R3HDM1: variants seen among roughly 807,000 people sequenced by gnomAD.
R3HDM1 encodes R3H domain-containing protein 1.
A neutral mutation model predicts 141.1 loss-of-function variants in R3HDM1; 46 were observed. The observed-to-expected ratio is 0.33, with a 90% CI of 0.26 to 0.42. The LOEUF (loss-of-function observed/expected upper bound fraction) is 0.42. Among genes scored for constraint, R3HDM1 ranks in the 10% least tolerant of loss-of-function variants. R3HDM1 has a pLI of 1.00. For synonymous variants in R3HDM1, 435 were observed against 472.9 expected (o/e 0.92, Z 1.04); for missense variants, 1,184 against 1,368.3 (o/e 0.87, Z 2.12).
intron 18 of R3HDM1, among the ~76,000 whole-genome samples, chr2:135,653,554 C>G: frequency 6.6e-6 from 1 of 151,766 alleles, no homozygotes; most frequent in East Asian, 1.9e-4. Flanking sequence ...AAAATGTTTT[C>G]TCTTTTGAGA....
intron 5 of R3HDM1, among the ~76,000 whole-genome samples, chr2:135,621,263 G>T (rs950704156): frequency 6.6e-6 from 1 of 152,076 alleles, no homozygotes; most frequent in Admixed American, 6.5e-5. Flanking sequence ...TAATGTTGAG[G>T]ATTTGTTTTA....
intron 11 of R3HDM1, 77 bp from the exon 12 acceptor site, chr2:135,638,541 T>C (rs1343069848): frequency 7.2e-7 from 1 of 1,382,310 alleles, no homozygotes; most frequent in Admixed American, 1.8e-5. Flanking sequence ...TGATTTTTGT[T>C]GTCATCATTG....
At chr2:135,660,523 G>A (rs1286451423) in intron 18 of R3HDM1, among the ~76,000 whole-genome samples, 1 of 152,048 alleles carries the variant, frequency 6.6e-6, no homozygotes, top group Non-Finnish European at 1.5e-5. Flanking sequence ...AAAGATTTTG[G>A]AGCATTTCAG....
At chr2:135,560,262 T>G (rs990490513) in intron 1 of R3HDM1, among the ~76,000 whole-genome samples, 7 of 152,246 alleles carry the variant, frequency 4.6e-5, no homozygotes, top group Non-Finnish European at 7.3e-5. Context: ...AGGTGATACT[T>G]AGATTCCCTT....
chr2:135,650,509 A>C (rs773866815), intron 17 of R3HDM1: 30 of 982,558 alleles, frequency 3.1e-5, no homozygotes, highest in Non-Finnish European at 3.5e-5. Context: ...TTCTATCCAA[A>C]GTATGCCCCA....
At chr2:135,541,539 A>G (rs929162764) in intron 1 of R3HDM1, among the ~76,000 whole-genome samples, 1 of 152,126 alleles carries the variant, frequency 6.6e-6, no homozygotes, top group Non-Finnish European at 1.5e-5. Context: ...GTTTTGTCTC[A>G]GTGAATAGGG....
At chr2:135,668,850 A>G (rs999812496) in intron 19 of R3HDM1, among the ~76,000 whole-genome samples, 8 of 152,144 alleles carry the variant, frequency 5.3e-5, no homozygotes, top group African/African-American at 1.9e-4. Context: ...TCTTGTATAG[A>G]CTCATCTGGA....
chr2:135,544,403 G>A (rs1698254583), intron 1 of R3HDM1, among the ~76,000 whole-genome samples: 1 of 152,174 alleles, frequency 6.6e-6, no homozygotes, highest in African/African-American at 2.4e-5. Flanking sequence ...AGTCTTAGTA[G>A]TCTCAACATG....
At chr2:135,652,103 C>G in intron 18 of R3HDM1, 71 bp downstream of exon 18, 1 of 1,483,610 alleles carries the variant, frequency 6.7e-7, no homozygotes, top group Non-Finnish European at 9.0e-7. Flanking sequence ...CTTCAAAGAA[C>G]TTATTTTTAA....
At chr2:135,646,628 A>G (rs2064463809) in intron 16 of R3HDM1, among the ~76,000 whole-genome samples, 1 of 151,334 alleles carries the variant, frequency 6.6e-6, no homozygotes, top group Admixed American at 6.6e-5. Flanking sequence ...CAGGCAGATC[A>G]CCTGAGGTCA....
intron 21 of R3HDM1, among the ~76,000 whole-genome samples, chr2:135,684,478 T>C (rs1052523533): frequency 3.3e-5 from 5 of 152,358 alleles, no homozygotes; most frequent in Admixed American, 1.3e-4. Context: ...TTATTTTGTT[T>C]CTATAACCTC....
At chr2:135,682,526 G>A (rs1051980391) in intron 21 of R3HDM1, among the ~76,000 whole-genome samples, 1 of 152,198 alleles carries the variant, frequency 6.6e-6, no homozygotes, top group Non-Finnish European at 1.5e-5. Context: ...TCCAAAAGCT[G>A]TCAAGCGAGT....
At chr2:135,710,835 G>A (rs2075544954) in intron 23 of R3HDM1, among the ~76,000 whole-genome samples, 1 of 152,174 alleles carries the variant, frequency 6.6e-6, no homozygotes, top group African/African-American at 2.4e-5. Flanking sequence ...TAGTTGATAA[G>A]GGAATGTTCT....
intron 20 of R3HDM1, among the ~76,000 whole-genome samples, chr2:135,678,906 C>T (rs2069713470): frequency 1.3e-5 from 2 of 151,272 alleles, no homozygotes. Context: ...ACTACAGGCA[C>T]GCGCCACTAC....
intron 1 of R3HDM1, among the ~76,000 whole-genome samples, chr2:135,564,833 A>T (rs1573858572): frequency 6.6e-6 from 1 of 152,254 alleles, no homozygotes; most frequent in East Asian, 1.9e-4. Flanking sequence ...TATTTGGTGT[A>T]TAACCTTCCA....
intron 1 of R3HDM1, 105 bp downstream of exon 1, chr2:135,531,738 A>T: frequency 1.0e-6 from 1 of 985,786 alleles, no homozygotes; most frequent in Non-Finnish European, 1.2e-6. Context: ...GGAGGCAGGC[A>T]GGGGAGAGAT....
At chr2:135,592,484 G>A (rs1179275721) in intron 1 of R3HDM1, among the ~76,000 whole-genome samples, 1 of 152,052 alleles carries the variant, frequency 6.6e-6, no homozygotes, top group Non-Finnish European at 1.5e-5. Context: ...TACCTTAAAA[G>A]CATCTCTAAA....
intron 19 of R3HDM1, among the ~76,000 whole-genome samples, chr2:135,674,533 G>A (rs313523): frequency 0.49 from 74,721 of 152,050 alleles, 23,065 homozygotes; most frequent in East Asian, 0.88. Flanking sequence ...CTTAGGATCA[G>A]GAGACAAAAT....
chr2:135,563,824 T>C (rs1452140387), intron 1 of R3HDM1, among the ~76,000 whole-genome samples: 1 of 152,190 alleles, frequency 6.6e-6, no homozygotes, highest in Non-Finnish European at 1.5e-5. Context: ...GGGTAACTTA[T>C]AAAGAAAAGT....
Sources: allele counts gnomAD v4.1 joint callset (sites outside exome capture counted in the v4.1 genomes callset), GRCh38; gene constraint gnomAD v4.1.1; transcripts MANE v1.5; gene names NCBI Gene and HGNC (gene_info 2026-07-23, HGNC 2026-07-21).